Variants in SLC45A2 observed in about 807,000 individuals in gnomAD.
The protein encoded by SLC45A2 is membrane-associated transporter protein.
A neutral mutation model predicts 45.5 loss-of-function variants in SLC45A2; 36 were observed. The ratio of observed to expected loss-of-function variants is 0.79; its 90% CI spans 0.61 to 1.04. The LOEUF (loss-of-function observed/expected upper bound fraction) is 1.04, where lower values mean the gene tolerates loss of function less well. Ranked by LOEUF, SLC45A2 falls within the 50% of genes least tolerant of loss-of-function variation. The pLI, the probability that SLC45A2 is intolerant of heterozygous loss-of-function variation, is 0.00. For synonymous variants in SLC45A2, 306 were observed against 269.3 expected (o/e 1.14, Z -1.33); for missense variants, 719 against 671.0 (o/e 1.07, Z -0.79).
chr5:33,950,345 A>AT (rs1752062332), intron 5 of SLC45A2, among the ~76,000 whole-genome samples: 1 of 152,140 alleles, frequency 6.6e-6, no homozygotes, highest in East Asian at 1.9e-4. Flanking sequence ...TTCCTCCTGG[A>AT]TTTTTTCTTA....
rs780759860 is a variant in SLC45A2 at position 33,944,631 on chromosome 5, A to G, written c.*17T>C. The G allele has an allele frequency of 1.9e-6, 3 of 1,612,990 alleles. No homozygotes were observed. The highest frequency in any genetic ancestry group is 1.7e-5 in the Admixed American group (1 of 59,968). ...CTTCACTGTCTCTGAGGTTAGGGTC[A>G]TTGTCTCTTTATTGACCTAATCCAC... is the stretch of plus-strand genomic sequence containing the variant. On this transcript the variant is annotated 3_prime_UTR_variant, in exon 7 of 7. Coordinates refer to ENST00000296589, the MANE Select transcript of SLC45A2 (RefSeq NM_016180.5).
At chr5:33,984,131 T>A (rs1579564146) in intron 1 of SLC45A2, 68 bp downstream of exon 1, 2 of 1,600,818 alleles carry the variant, frequency 1.2e-6, no homozygotes, top group East Asian at 4.5e-5. Flanking sequence ...CACATGAACA[T>A]CCTCCTCCTG....
intron 5 of SLC45A2, 194 bp downstream of exon 5, chr5:33,951,360 T>C: frequency 7.0e-7 from 1 of 1,431,858 alleles, no homozygotes; most frequent in East Asian, 2.4e-5. Context: ...AGTGAGGAAA[T>C]GACACCTAGA....
chr5:33,974,800 A>G (rs1752876979), intron 2 of SLC45A2, among the ~76,000 whole-genome samples: 1 of 152,210 alleles, frequency 6.6e-6, no homozygotes, highest in Non-Finnish European at 1.5e-5. Flanking sequence ...AGGGAGAAAG[A>G]GAGAGATTGC....
intron 3 of SLC45A2, among the ~76,000 whole-genome samples, chr5:33,960,819 G>A (rs780105689): frequency 6.6e-6 from 1 of 152,108 alleles, no homozygotes; most frequent in Non-Finnish European, 1.5e-5. Context: ...AAATAAGTCT[G>A]CTGTTTACCT....
intron 3 of SLC45A2, among the ~76,000 whole-genome samples, chr5:33,962,359 T>C (rs1752478940): frequency 6.6e-6 from 1 of 152,252 alleles, no homozygotes. Context: ...GATATATTTA[T>C]GTGAAGTTTG....
intron 6 of SLC45A2, chr5:33,946,505 T>C: frequency 1.0e-6 from 1 of 985,528 alleles, no homozygotes; most frequent in Non-Finnish European, 1.2e-6. Context: ...GAGGTGGTAA[T>C]TTTAGAGTGG....
chr5:33,946,802 G>A, intron 6 of SLC45A2: 1 of 1,195,906 alleles, frequency 8.4e-7, no homozygotes, highest in Admixed American at 4.0e-5. Flanking sequence ...GTGGCACCAG[G>A]GAGACCTATG....
At chr5:33,973,354 G>A (rs1036356110) in intron 2 of SLC45A2, among the ~76,000 whole-genome samples, 1 of 152,256 alleles carries the variant, frequency 6.6e-6, no homozygotes, top group Non-Finnish European at 1.5e-5. Context: ...CTTGGTTTCT[G>A]CCCTGGCCAT....
Position 33,984,427 on chromosome 5 carries a change from C to T in SLC45A2, c.157G>A (p.Ala53Thr). The T allele has an allele frequency of 6.2e-7, 1 of 1,613,624 alleles. No homozygotes were observed. The highest frequency in any genetic ancestry group is 8.5e-7 in the Non-Finnish European group (1 of 1,179,822). Residue 53 changes from alanine (A) to threonine (T), a missense_variant, in exon 1 of 7, where the codon GCA (alanine) becomes ACA (threonine). Ala to Thr is a moderately conservative substitution (Grantham distance 58). Coordinates refer to ENST00000296589, the MANE Select transcript of SLC45A2 (RefSeq NM_016180.5). ...FGREFCYAVE[A>T]AYVTPVLLSV... Reference sequence around the variant, plus strand: ...AGCAGGACTGGGGTCACATACGCTGCCTCCACCGCGTAGCAGAACTCTCTT... The same window carrying T: ...AGCAGGACTGGGGTCACATACGCTGTCTCCACCGCGTAGCAGAACTCTCTT...
chr5:33,967,646 CA>C (rs1752636339), intron 2 of SLC45A2, among the ~76,000 whole-genome samples: 4 of 152,124 alleles, frequency 2.6e-5, no homozygotes, highest in Admixed American at 2.6e-4. Flanking sequence ...AGGTAGTTTG[CA>C]GATATGAATA....
intron 3 of SLC45A2, among the ~76,000 whole-genome samples, chr5:33,960,509 T>C (rs1186623351): frequency 1.3e-5 from 2 of 152,108 alleles, no homozygotes; most frequent in African/African-American, 4.8e-5. Flanking sequence ...AACTCAGGAA[T>C]GGAAAACCAA....
At chr5:33,979,738 G>T (rs1199034002) in intron 2 of SLC45A2, among the ~76,000 whole-genome samples, 1 of 152,156 alleles carries the variant, frequency 6.6e-6, no homozygotes, top group Non-Finnish European at 1.5e-5. Flanking sequence ...GAATTCCAAA[G>T]GGACAGAGGT....
Position 33,947,294 on chromosome 5 carries a change from C to T in SLC45A2, c.1237G>A (p.Gly413Arg), listed in dbSNP as rs762247190. ...ACATTCGGGAAGAGCCCAATAAATC[C>T]CGTCCCCAGGCCAAACAGCAAATAT... ...TGYLLFGLGTGFIGLFPNVYS... is the reference protein window; with the variant it reads ...TGYLLFGLGTRFIGLFPNVYS... Residue 413 changes from glycine to arginine, a missense_variant, in exon 6 of 7, where the codon GGA becomes AGA. By Grantham distance (125) the Gly-to-Arg change is moderately radical. Transcript: ENST00000296589. The T allele has an allele frequency of 1.2e-6, 2 of 1,614,216 alleles. No individual in the cohort carries two copies. Among genetic ancestry groups the T allele is most frequent in the Admixed American group, 3.3e-5 (2 of 60,022 alleles).
intron 6 of SLC45A2, chr5:33,946,516 A>G (rs1169924353): frequency 2.0e-6 from 2 of 985,602 alleles, no homozygotes; most frequent in East Asian, 2.3e-4. Context: ...TTTAGAGTGG[A>G]AACACCAACT....
intron 2 of SLC45A2, chr5:33,970,932 A>G (rs3822466): frequency 0.086 from 35,942 of 416,198 alleles, 3,909 homozygotes; most frequent in African/African-American, 0.36. Flanking sequence ...GGAGATGGGC[A>G]CCATCTTAAG....
chr5:33,969,719 T>C (rs763692929), intron 2 of SLC45A2, among the ~76,000 whole-genome samples: 2 of 152,278 alleles, frequency 1.3e-5, no homozygotes, highest in African/African-American at 4.8e-5. Context: ...TAGGCGGCGA[T>C]GGTCTTGCTG....
intron 4 of SLC45A2, among the ~76,000 whole-genome samples, chr5:33,952,415 G>T (rs1301498015): frequency 6.0e-5 from 9 of 150,350 alleles, no homozygotes. Flanking sequence ...TTCAAGATGT[G>T]AGAGGTATTA....
In SLC45A2 at chr5:33,952,266, C is replaced by T. The variant is rs559088075; in HGVS notation, c.1033-589G>A. 3.5e-4 allele frequency among the ~76,000 whole-genome samples: 54 copies of T among 152,246 alleles called. 1 individual carries two copies. Among genetic ancestry groups the T allele is most frequent in the African/African-American group, 1.3e-3 (52 of 41,544 alleles). ...CTTGGCCTCGAAAGCACTGAGATTA[C>T]AGGCATGATCCACCATGCCCGGCCT... On this transcript the variant is annotated intron_variant, in intron 4 of 6. Transcript: ENST00000296589.
Sources: allele counts gnomAD v4.1 joint callset (sites outside exome capture counted in the v4.1 genomes callset), GRCh38; gene constraint gnomAD v4.1.1; transcripts MANE v1.5; gene names NCBI Gene and HGNC (gene_info 2026-07-23, HGNC 2026-07-21).